The following SLIT3 variants were observed in gnomAD, a reference collection of about 807,000 sequenced individuals.
The protein encoded by SLIT3 is slit homolog 3 protein.
A neutral mutation model predicts 184.0 loss-of-function variants in SLIT3; 68 were observed. The observed-to-expected ratio is 0.37, with a 90% confidence interval of 0.30 to 0.45. The LOEUF is 0.45. Among genes scored for constraint, SLIT3 ranks in the 20% least tolerant of loss-of-function variants. SLIT3 has a pLI of 1.00. For synonymous variants in SLIT3, 831 were observed against 828.6 expected, an observed-to-expected ratio of 1.00 and a Z score of -0.05; for missense variants, 1,707 against 2,026.0, an observed-to-expected ratio of 0.84 and a Z score of 3.02.
At chr5:168,831,167 C>G (rs760502622) in intron 6 of SLIT3, among the ~76,000 whole-genome samples, 39 of 152,180 alleles carry the variant, frequency 2.6e-4, no homozygotes, top group Admixed American at 2.1e-3. Context: ...GATAGGTTGA[C>G]TGGAAATTTT....
intron 4 of SLIT3, among the ~76,000 whole-genome samples, chr5:169,127,425 G>A (rs2113304063): frequency 6.6e-6 from 1 of 152,284 alleles, no homozygotes; most frequent in African/African-American, 2.4e-5. Flanking sequence ...TTTTAGTTTT[G>A]TGCCCTGAAC....
In SLIT3 at chr5:169,253,982, C is replaced by A. The variant is rs540928236; in HGVS notation, c.198-2523G>T. Among the ~76,000 whole-genome samples the A allele has an allele frequency of 1.9e-4, 29 of 152,326 alleles. No individual in the cohort carries two copies. In the East Asian group the frequency reaches 5.6e-3, roughly 29 times the overall value. On this transcript the variant is annotated intron_variant, in intron 1 of 35. Transcript: ENST00000519560. ...CTACGGAGGAGGGATGGGCTCTCCC[C>A]TCCCACTGAGCTGTGCTGCCTGCCT...
rs1023202642 is a variant in SLIT3, at chr5:169,265,601, A to G, written c.198-14142T>C. 1.8e-4 allele frequency among the ~76,000 whole-genome samples: 27 copies of G among 152,188 alleles called. 1 individual carries two copies. Among genetic ancestry groups the G allele is most frequent in the African/African-American group, 6.5e-4 (27 of 41,448 alleles). On this transcript the variant is annotated intron_variant, in intron 1 of 35. Coordinates refer to ENST00000519560, the MANE Select transcript of SLIT3 (RefSeq NM_003062.4). ...AGATAGCCTGGGCTCAAATCTTAGCAAATAGAGCATGATTTTAGGCAGGTT... is the reference window on the plus strand; with the variant it reads ...AGATAGCCTGGGCTCAAATCTTAGCGAATAGAGCATGATTTTAGGCAGGTT...
intron 3 of SLIT3, among the ~76,000 whole-genome samples, chr5:169,233,393 A>G (rs1490372380): frequency 2.3e-5 from 3 of 132,494 alleles, no homozygotes; most frequent in African/African-American, 8.5e-5. Context: ...TTGTTGGTAT[A>G]TAGAAATTGT....
intron 5 of SLIT3, among the ~76,000 whole-genome samples, chr5:168,871,668 G>T (rs1441843267): frequency 1.3e-5 from 2 of 152,114 alleles, no homozygotes; most frequent in Non-Finnish European, 2.9e-5. Flanking sequence ...GCACATATTT[G>T]TCTAGGAAGG....
At chr5:168,774,160 G>T in intron 13 of SLIT3, 75 bp downstream of exon 13, 1 of 1,406,556 alleles carries the variant, frequency 7.1e-7, no homozygotes, top group Non-Finnish European at 9.7e-7. Context: ...GCCCTCATTT[G>T]GGTGTTTTTC....
intron 4 of SLIT3, among the ~76,000 whole-genome samples, chr5:169,152,013 T>C (rs1384508492): frequency 6.6e-6 from 1 of 152,238 alleles, no homozygotes; most frequent in Non-Finnish European, 1.5e-5. Context: ...TAGCACAAAA[T>C]GAGATCTCAA....
At chr5:168,922,036 G>T (rs1761652341) in intron 4 of SLIT3, among the ~76,000 whole-genome samples, 1 of 152,158 alleles carries the variant, frequency 6.6e-6, no homozygotes, top group South Asian at 2.1e-4. Flanking sequence ...CAAGGTTAAT[G>T]AAATGAACTC....
At chr5:168,868,451 G>A (rs753565297) in intron 5 of SLIT3, among the ~76,000 whole-genome samples, 65 of 152,024 alleles carry the variant, frequency 4.3e-4, no homozygotes, top group Admixed American at 1.2e-3. Context: ...TAACTTTCAC[G>A]TTAAAAATTA....
intron 18 of SLIT3, among the ~76,000 whole-genome samples, chr5:168,750,654 C>A (rs1015308369): frequency 2.0e-5 from 3 of 152,106 alleles, no homozygotes; most frequent in African/African-American, 7.2e-5. Context: ...GTGGAGGTAC[C>A]TAGGAGGGGC....
At chr5:168,757,353 G>A (rs552582605) in intron 16 of SLIT3, among the ~76,000 whole-genome samples, 1 of 152,312 alleles carries the variant, frequency 6.6e-6, no homozygotes, top group African/African-American at 2.4e-5. Flanking sequence ...TTATGGCCTT[G>A]CACGCAGCCA....
intron 4 of SLIT3, among the ~76,000 whole-genome samples, chr5:168,965,005 A>G (rs575867207): frequency 2.0e-4 from 30 of 152,278 alleles, no homozygotes; most frequent in Middle Eastern, 6.8e-3. Context: ...CCCAGGGCAC[A>G]TCTCTAAGGA....
intron 4 of SLIT3, among the ~76,000 whole-genome samples, chr5:169,082,566 GTC>G (rs1403207954): frequency 6.8e-6 from 1 of 147,082 alleles, no homozygotes; most frequent in Non-Finnish European, 1.5e-5. Context: ...AAAAGTACCT[GTC>G]TCTATGTGTG....
At chr5:168,753,659 A>T (rs1754795239) in intron 17 of SLIT3, among the ~76,000 whole-genome samples, 2 of 152,018 alleles carry the variant, frequency 1.3e-5, no homozygotes, top group Non-Finnish European at 2.9e-5. Context: ...TGTGTGTGTG[A>T]GTGTGCATGC....
intron 3 of SLIT3, among the ~76,000 whole-genome samples, chr5:169,235,522 A>C (rs1241538798): frequency 6.6e-6 from 1 of 152,248 alleles, no homozygotes; most frequent in East Asian, 1.9e-4. Context: ...TAATTAATGA[A>C]GCAATCCTGT....
At chr5:168,998,628 C>T (rs181098916) in intron 4 of SLIT3, among the ~76,000 whole-genome samples, 190 of 152,024 alleles carry the variant, frequency 1.2e-3, no homozygotes, top group African/African-American at 4.4e-3. Flanking sequence ...CGCTTGAACC[C>T]GAGAGGCAGA....
intron 1 of SLIT3, among the ~76,000 whole-genome samples, chr5:169,257,863 TTTC>T (rs138754606): frequency 2.0e-5 from 3 of 151,992 alleles, no homozygotes; most frequent in Non-Finnish European, 4.4e-5. Context: ...CCTTCCATGC[TTTC>T]TTCTTCTTCT....
At chr5:169,099,337 T>C (rs936538515) in intron 4 of SLIT3, among the ~76,000 whole-genome samples, 3 of 152,124 alleles carry the variant, frequency 2.0e-5, no homozygotes, top group South Asian at 2.1e-4. Context: ...GCTGTTCTTA[T>C]CCTCATGCTT....
chr5:169,190,277 T>C (rs1470364301), intron 4 of SLIT3, among the ~76,000 whole-genome samples: 2 of 152,234 alleles, frequency 1.3e-5, no homozygotes, highest in Non-Finnish European at 2.9e-5. Context: ...GATCTCTGAA[T>C]TAGTGCATTT....
Sources: allele counts gnomAD v4.1 joint callset (sites outside exome capture counted in the v4.1 genomes callset), GRCh38; gene constraint gnomAD v4.1.1; transcripts MANE v1.5; gene names NCBI Gene and HGNC (gene_info 2026-07-23, HGNC 2026-07-21).